The following RER1 variants were observed in gnomAD, a reference collection of about 807,000 sequenced individuals.
The protein encoded by RER1 is protein RER1.
RER1 carries 6 observed loss-of-function variants against 28.3 expected under a neutral mutation model. That is an observed-to-expected ratio of 0.21 (90% CI 0.12 to 0.42). RER1 has a LOEUF of 0.42. Among genes scored for constraint, RER1 ranks in the 10% least tolerant of loss-of-function variants. RER1 has a pLI of 1.00. For synonymous variants in RER1, 110 were observed against 95.9 expected, an observed-to-expected ratio of 1.15 and a Z score of -0.86; for missense variants, 159 against 252.9, an observed-to-expected ratio of 0.63 and a Z score of 2.52.
At chr1:2,400,827 G>A (rs1426421087) in intron 4 of RER1, 30 bp from the exon 5 acceptor site, 3 of 1,578,130 alleles carry the variant, frequency 1.9e-6, no homozygotes, top group Admixed American at 3.3e-5. Context: ...GAAAAGAGGT[G>A]CCCTCCCTGA....
intron 5 of RER1, chr1:2,401,920 C>A: frequency 2.5e-6 from 3 of 1,200,228 alleles, no homozygotes; most frequent in Non-Finnish European, 2.3e-6. Context: ...AGCCAGCAGG[C>A]ATGGGGCCCC....
At chr1:2,396,867 C>G (rs1269568354) in intron 2 of RER1, among the ~76,000 whole-genome samples, 1 of 152,230 alleles carries the variant, frequency 6.6e-6, no homozygotes, top group African/African-American at 2.4e-5. Flanking sequence ...GTCACAGTCT[C>G]CTAGGAGATT....
Position 2,395,607 on chromosome 1 carries a change from G to A in RER1, c.-7-177G>A, listed in dbSNP as rs1279013924. The A allele has an allele frequency of 8.3e-6, 5 of 599,906 alleles. No individual in the cohort carries two copies. In the South Asian group the frequency reaches 9.5e-5, roughly 11 times the overall value. 37.2% of individuals were successfully genotyped at this position (599,906 alleles called of 1,614,324 possible). A position where few individuals can be genotyped will look rare whatever the true frequency, so the allele number is the denominator to read the frequency against. ...CGTCTCACGCTGCCCTTCCTCTCCA[G>A]GGAAGCCTGTGTACCTGCTACTTTT... On this transcript the variant is annotated intron_variant, in intron 1 of 6. Transcript: ENST00000605895.
At chr1:2,401,917 A>G in intron 5 of RER1, 4 of 1,090,158 alleles carry the variant, frequency 3.7e-6, no homozygotes, top group Middle Eastern at 6.2e-4. Flanking sequence ...CCCAGCCAGC[A>G]GGCATGGGGC....
chr1:2,396,213 C>T, intron 2 of RER1: 1 of 306,494 alleles, frequency 3.3e-6, no homozygotes, highest in Non-Finnish European at 6.3e-6. Context: ...ACCCACGTCC[C>T]CGGTGCTGGT....
chr1:2,401,287 T>TCCC (rs1642850235), intron 5 of RER1, among the ~76,000 whole-genome samples: 1 of 29,254 alleles, frequency 3.4e-5, no homozygotes, highest in Non-Finnish European at 7.0e-5. Flanking sequence ...TCCCTCCTCC[T>TCCC]TCCTCCCTCC....
chr1:2,401,951 T>A, intron 5 of RER1: 3 of 1,414,450 alleles, frequency 2.1e-6, no homozygotes, highest in Non-Finnish European at 2.8e-6. Flanking sequence ...ACTGATGCTT[T>A]ATACTTTGTG....
In RER1 at chr1:2,396,577, G is replaced by A. The variant is rs189975470; in HGVS notation, c.82-539G>A. 1.7e-3 allele frequency among the ~76,000 whole-genome samples: 257 copies of A among 152,348 alleles called. 1 individual carries two copies. Among genetic ancestry groups the A allele is most frequent in the African/African-American group, 5.7e-3 (236 of 41,576 alleles). On this transcript the variant is annotated intron_variant, in intron 2 of 6. Coordinates refer to ENST00000605895, the MANE Select transcript of RER1 (RefSeq NM_007033.5). ...AATTAAAATAAAAAACCATACATAT[G>A]TATATTTGTAAAAATAAATACATAA...
intron 1 of RER1, chr1:2,395,025 AG>A (rs1280349879): frequency 1.3e-5 from 2 of 152,312 alleles, no homozygotes; most frequent in African/African-American, 4.8e-5. Flanking sequence ...GCCCAGAAGC[AG>A]GGCTGTGGCA....
In RER1 at chr1:2,396,996, C is replaced by T. The variant is rs1245443871; in HGVS notation, c.82-120C>T. ...CATAGATGATCTCTTGCTATTTTAA[C>T]TCACTCTTTTAGCTGTTTTAAAAAT... On this transcript the variant is annotated intron_variant, in intron 2 of 6. Transcript: ENST00000605895. 3.6e-5 allele frequency: 22 copies of T among 607,196 alleles called. No homozygotes were observed. In the East Asian group the frequency reaches 6.0e-4, roughly 16 times the overall value. The allele number at this position is 607,196 out of a possible 1,614,324, so 37.6% of individuals were successfully genotyped here.
intron 5 of RER1, chr1:2,401,838 C>G (rs1046591900): frequency 5.3e-6 from 3 of 570,966 alleles, no homozygotes; most frequent in Non-Finnish European, 9.2e-6. Flanking sequence ...GGTGGCCATG[C>G]CACAGTGACA....
intron 5 of RER1, among the ~76,000 whole-genome samples, chr1:2,401,518 C>T (rs994150134): frequency 2.0e-5 from 3 of 149,534 alleles, no homozygotes; most frequent in Admixed American, 6.7e-5. Flanking sequence ...CCGAGGTGTC[C>T]GTGTCTGCAC....
chr1:2,400,435 G>A (rs967250771), intron 4 of RER1, among the ~76,000 whole-genome samples: 5 of 152,242 alleles, frequency 3.3e-5, no homozygotes, highest in African/African-American at 9.6e-5. Flanking sequence ...GGGGAGGCGG[G>A]GTGAGAGTGG....
Position 2,405,198 on chromosome 1 carries a change from C to T in RER1, c.*2074C>T, listed in dbSNP as rs945561674. ...GAGGTGCTGGCCTTGGTTGGTTTCT[C>T]TCTGCCCCGTGTGGTCATCAAGTCC... On this transcript the variant is annotated 3_prime_UTR_variant, in exon 7 of 7. Transcript: ENST00000605895. 2 of 194,364 alleles carry T rather than the reference C, an allele frequency of 1.0e-5. No individual in the cohort carries two copies. The highest frequency in any genetic ancestry group is 2.4e-5 in the African/African-American group (1 of 42,260). The allele number at this position is 194,364 out of a possible 1,614,324, so 12.0% of individuals were successfully genotyped here.
At chr1:2,395,373 A>G (rs903911) in intron 1 of RER1, 97,303 of 234,138 alleles carry the variant, frequency 0.42, 21,369 homozygotes, top group Non-Finnish European at 0.46. Context: ...GGAGCAGACA[A>G]GGTGCCTGGG....
chr1:2,396,248 C>T (rs1205651145), intron 2 of RER1: 3 of 268,768 alleles, frequency 1.1e-5, no homozygotes, highest in East Asian at 1.7e-4. Context: ...CGTGTCAGCT[C>T]GGCGGTTCTG....
intron 3 of RER1, among the ~76,000 whole-genome samples, chr1:2,399,035 C>A (rs963457750): frequency 6.6e-6 from 1 of 152,186 alleles, no homozygotes; most frequent in African/African-American, 2.4e-5. Flanking sequence ...GGGCCAGCAT[C>A]GCTCAGGTGC....
In RER1 at chr1:2,399,441, G is replaced by A. The variant is rs1358744275; in HGVS notation, c.213G>A (p.Leu71=). The A allele has an allele frequency of 3.1e-6, 5 of 1,611,840 alleles. No homozygotes were observed. Among genetic ancestry groups the A allele is most frequent in the Non-Finnish European group, 8.5e-7 (1 of 1,178,036 alleles). Residue 71 remains leucine, a synonymous_variant, in exon 4 of 7, where the codon TTG becomes TTA. Transcript: ENST00000605895. ...GTTGGTACATTGTGACCTATGCCTT[G>A]GGGATCTACCATCTAAATCTTTTCA... ...LQGWYIVTYA[L]GIYHLNLFIA...
At chr1:2,398,727 C>T (rs1642804052) in intron 3 of RER1, among the ~76,000 whole-genome samples, 1 of 152,226 alleles carries the variant, frequency 6.6e-6, no homozygotes, top group Non-Finnish European at 1.5e-5. Context: ...GCGGTTCTGG[C>T]TTTTAACGGG....
Sources: gnomAD v4.1 joint callset for allele counts (sites outside exome capture counted in the v4.1 genomes callset) on GRCh38, gnomAD v4.1.1 for gene constraint, MANE v1.5 for transcripts, NCBI Gene and HGNC (gene_info 2026-07-23, HGNC 2026-07-21) for gene names.